The following TXNDC16 variants were observed in gnomAD, a reference collection of about 807,000 sequenced individuals.
TXNDC16 encodes thioredoxin domain containing 16, also known as thioredoxin domain-containing protein 16.
Under a neutral mutation model 85.6 loss-of-function variants are expected in TXNDC16, and 74 were observed. The observed-to-expected ratio is 0.86, with a 90% CI of 0.72 to 1.05. TXNDC16 has a LOEUF of 1.05. Among genes scored for constraint, TXNDC16 ranks in the 50% least tolerant of loss-of-function variants. The pLI is 0.00. For missense variants in TXNDC16, 959 were observed against 947.0 expected, an observed-to-expected ratio of 1.01 and a Z score of -0.17; for synonymous variants, 335 against 326.5, an observed-to-expected ratio of 1.03 and a Z score of -0.28.
At chr14:52,450,601 A>T (rs761212795) in intron 18 of TXNDC16, among the ~76,000 whole-genome samples, 39 of 151,968 alleles carry the variant, frequency 2.6e-4, no homozygotes, top group Non-Finnish European at 4.6e-4. Flanking sequence ...GCCATAATTT[A>T]AAAAAATAAC....
chr14:52,459,795 A>C (rs951694375), intron 16 of TXNDC16, among the ~76,000 whole-genome samples: 2 of 152,228 alleles, frequency 1.3e-5, no homozygotes, highest in Non-Finnish European at 2.9e-5. Context: ...TTATCTCATA[A>C]ACAGAACTAA....
chr14:52,470,652 T>C lies in TXNDC16; in HGVS notation c.1341A>G (p.Ile447Met). ...KGTSTMLLTR[I>M]NCADWSDVCT... The stretch of plus-strand genomic sequence containing the variant: ...ATACATCAGACCAATCTGCACAGTT[T>C]ATTCTAGTAAGAAGCATAGTAGATG... The change falls in exon 15 of 21, where the codon ATA becomes ATG. Residue 447 changes from isoleucine to methionine, a missense_variant. By Grantham distance (10) the Ile-to-Met change is conservative. Coordinates refer to ENST00000281741, the MANE Select transcript of TXNDC16 (RefSeq NM_020784.3). 1.9e-6 allele frequency: 3 copies of C among 1,610,878 alleles called. No individual in the cohort carries two copies. The highest frequency in any genetic ancestry group is 2.2e-5 in the East Asian group (1 of 44,754).
intron 9 of TXNDC16, among the ~76,000 whole-genome samples, chr14:52,501,489 C>G (rs1399979586): frequency 6.6e-6 from 1 of 152,186 alleles, no homozygotes; most frequent in Non-Finnish European, 1.5e-5. Flanking sequence ...TGCAAAGCAT[C>G]TTACCAAACA....
intron 9 of TXNDC16, among the ~76,000 whole-genome samples, chr14:52,503,382 A>G (rs2036709686): frequency 6.6e-6 from 1 of 152,200 alleles, no homozygotes; most frequent in African/African-American, 2.4e-5. Context: ...AAACTTCCAG[A>G]GGAACAATCA....
In TXNDC16 at chr14:52,532,006, C is replaced by T. The variant is rs533186494; in HGVS notation, c.392+4713G>A. ...TCTAAGACTTTGTTTCTTAAAAATC[C>T]GAAAAATGGGTGAATTCATTTATAA... On this transcript the variant is annotated intron_variant, in intron 6 of 20. Coordinates refer to ENST00000281741, the MANE Select transcript of TXNDC16 (RefSeq NM_020784.3). Among the ~76,000 whole-genome samples the T allele has an allele frequency of 9.2e-5, 14 of 151,720 alleles. No individual in the cohort carries two copies. In the South Asian group the frequency reaches 2.7e-3, roughly 29 times the overall value.
Position 52,528,733 on chromosome 14 carries a change from C to T in TXNDC16, c.392+7986G>A, listed in dbSNP as rs1403972948. ...TTATTAATAATAGTTGTAACTAGTT[C>T]ATTTTTCAATTTATAATAAAAATCT... On this transcript the variant is annotated intron_variant, in intron 6 of 20. Transcript: ENST00000281741. Among the ~76,000 whole-genome samples, 5 of 149,420 alleles carry T rather than the reference C, an allele frequency of 3.3e-5. No individual in the cohort carries two copies. The East Asian group carries it at 9.8e-4, about 29-fold the overall frequency.
At chr14:52,434,658 A>G (rs2034985956) in intron 20 of TXNDC16, among the ~76,000 whole-genome samples, 1 of 152,224 alleles carries the variant, frequency 6.6e-6, no homozygotes, top group African/African-American at 2.4e-5. Flanking sequence ...CATGTTACTG[A>G]GTTAGGCTAT....
At chr14:52,525,744 T>TAATAAAAAA (rs1388745451) in intron 6 of TXNDC16, among the ~76,000 whole-genome samples, 1 of 105,120 alleles carries the variant, frequency 9.5e-6, no homozygotes, top group African/African-American at 3.2e-5. Flanking sequence ...ATAATAATAA[T>TAATAAAAAA]AAATAAAAAT....
chr14:52,449,892 A>G (rs907039798), intron 18 of TXNDC16, among the ~76,000 whole-genome samples: 1 of 152,024 alleles, frequency 6.6e-6, no homozygotes, highest in East Asian at 1.9e-4. Context: ...AAATTTTAAA[A>G]TTTCTTGGAA....
intron 14 of TXNDC16, among the ~76,000 whole-genome samples, chr14:52,478,483 G>T (rs561454469): frequency 6.6e-6 from 1 of 152,092 alleles, no homozygotes; most frequent in African/African-American, 2.4e-5. Flanking sequence ...TATTAGAAAC[G>T]AAATGGGAGA....
chr14:52,530,311 AAT>A (rs1195359864), intron 6 of TXNDC16, among the ~76,000 whole-genome samples: 591 of 50,954 alleles, frequency 0.012, 37 homozygotes, highest in African/African-American at 0.044. Flanking sequence ...ATTAATATAT[AAT>A]ATATAATTAT....
chr14:52,526,826 C>T (rs1227566552), intron 6 of TXNDC16, among the ~76,000 whole-genome samples: 2 of 152,162 alleles, frequency 1.3e-5, no homozygotes, highest in African/African-American at 4.8e-5. Context: ...TGAGGAGGAG[C>T]GAGGGGCTGA....
At chr14:52,469,482 G>A (rs1445863615) in intron 16 of TXNDC16, among the ~76,000 whole-genome samples, 4 of 151,868 alleles carry the variant, frequency 2.6e-5, no homozygotes, top group Non-Finnish European at 5.9e-5. Context: ...GGCTAGGTGC[G>A]GTGGCTCACC....
chr14:52,462,473 C>G (rs1202524396), intron 16 of TXNDC16, among the ~76,000 whole-genome samples: 1 of 152,190 alleles, frequency 6.6e-6, no homozygotes, highest in African/African-American at 2.4e-5. Flanking sequence ...TGCCACCATG[C>G]CTGGCTAATT....
At chr14:52,462,393 C>T (rs1331869438) in intron 16 of TXNDC16, among the ~76,000 whole-genome samples, 1 of 152,208 alleles carries the variant, frequency 6.6e-6, no homozygotes, top group Non-Finnish European at 1.5e-5. Flanking sequence ...TGGCTCATTG[C>T]AATCTCCGCC....
chr14:52,510,389 C>G (rs1273839079), intron 9 of TXNDC16, among the ~76,000 whole-genome samples: 2 of 152,154 alleles, frequency 1.3e-5, no homozygotes, highest in Non-Finnish European at 1.5e-5. Context: ...TCCATAATCC[C>G]TCTAGTTTCA....
intron 18 of TXNDC16, among the ~76,000 whole-genome samples, chr14:52,444,092 G>C (rs1422307825): frequency 6.6e-6 from 1 of 152,124 alleles, no homozygotes; most frequent in Non-Finnish European, 1.5e-5. Context: ...GAAGAAAAGA[G>C]AATGTTGAGG....
intron 11 of TXNDC16, among the ~76,000 whole-genome samples, chr14:52,489,130 AAT>A (rs1252298399): frequency 2.6e-5 from 4 of 152,176 alleles, no homozygotes; most frequent in African/African-American, 9.7e-5. Context: ...TTTTACTGCA[AAT>A]AGAGTAAATC....
Position 52,432,447 on chromosome 14 carries a change from C to G in TXNDC16, c.2335G>C (p.Glu779Gln), listed in dbSNP as rs905858544. ...KETDVQENDK[E>Q]QHEDKSAVRK... is the part of the protein sequence containing the mutation. ...ACTGCCGATTTATCTTCATGTTGTT[C>G]CTTATCATTCTCCTGCACATCTGTT... Residue 779 changes from glutamate (E) to glutamine (Q), a missense_variant, in exon 21 of 21, where the codon GAA becomes CAA. Physicochemically the swap from Glu to Gln is conservative, Grantham distance 29. Coordinates refer to ENST00000281741, the MANE Select transcript of TXNDC16 (RefSeq NM_020784.3). 1 of 1,613,970 alleles carries G rather than the reference C, an allele frequency of 6.2e-7. No individual in the cohort carries two copies. Among genetic ancestry groups the G allele is most frequent in the Non-Finnish European group, 8.5e-7 (1 of 1,179,966 alleles).
Sources: gnomAD v4.1 joint callset for allele counts (sites outside exome capture counted in the v4.1 genomes callset) on GRCh38, gnomAD v4.1.1 for gene constraint, MANE v1.5 for transcripts, NCBI Gene and HGNC (gene_info 2026-07-23, HGNC 2026-07-21) for gene names.